TMCC1: variants seen among roughly 807,000 people sequenced by gnomAD.
The protein encoded by TMCC1 is transmembrane and coiled-coil domain family 1, also known as transmembrane and coiled-coil domains protein 1.
Under a neutral mutation model 52.4 loss-of-function variants are expected in TMCC1, and 15 were observed. The observed-to-expected ratio is 0.29, with a 90% CI of 0.19 to 0.44. TMCC1 has a LOEUF of 0.44. Among genes scored for constraint, TMCC1 ranks in the 20% least tolerant of loss-of-function variants. TMCC1 has a pLI of 1.00. For missense variants in TMCC1, 503 were observed against 806.0 expected (o/e 0.62, Z 4.55); for synonymous variants, 279 against 301.9 (o/e 0.92, Z 0.79).
intron 4 of TMCC1, among the ~76,000 whole-genome samples, chr3:129,824,064 G>A (rs762874881): frequency 4.6e-5 from 7 of 152,248 alleles, no homozygotes; most frequent in East Asian, 1.9e-4. Context: ...GGCTGGGCGC[G>A]GTGGCTCATG....
In TMCC1 at chr3:129,670,373, C is replaced by T. The variant is rs1210932276; in HGVS notation, c.1468G>A (p.Asp490Asn). The T allele has an allele frequency of 6.2e-7, 1 of 1,614,144 alleles. No individual in the cohort carries two copies. The highest frequency in any genetic ancestry group is 8.5e-7 in the Non-Finnish European group (1 of 1,180,018). ...FETLKEHYQR[D>N]YSLIMQTLQE... ...AAGGTCTGCATTATTAAGGAATAGT[C>T]CCTCTGATAATGTTCCTTGAGAGTC... Residue 490 changes from aspartate to asparagine, a missense_variant, in exon 5 of 7, where the codon GAC (aspartate) becomes AAC (asparagine). Transcript: ENST00000393238.
chr3:129,811,265 A>ATGTTTTAT (rs1553878060), intron 4 of TMCC1, among the ~76,000 whole-genome samples: 1 of 152,010 alleles, frequency 6.6e-6, no homozygotes, highest in Non-Finnish European at 1.5e-5. Flanking sequence ...CATTTTATAT[A>ATGTTTTAT]TTATTTTTAA....
intron 4 of TMCC1, among the ~76,000 whole-genome samples, chr3:129,723,804 G>A (rs1344313682): frequency 6.6e-6 from 1 of 152,100 alleles, no homozygotes; most frequent in African/African-American, 2.4e-5. Context: ...GAGATCTACT[G>A]CTGAAAAACG....
At chr3:129,733,989 A>T (rs2050742535) in intron 4 of TMCC1, among the ~76,000 whole-genome samples, 1 of 152,206 alleles carries the variant, frequency 6.6e-6, no homozygotes, top group Non-Finnish European at 1.5e-5. Context: ...TCTGGATAGC[A>T]ATTTAGCAAT....
chr3:129,759,447 T>A (rs1204916966), intron 4 of TMCC1, among the ~76,000 whole-genome samples: 1 of 151,906 alleles, frequency 6.6e-6, no homozygotes, highest in Non-Finnish European at 1.5e-5. Flanking sequence ...TTTGTGTTTT[T>A]AGTAGAGATG....
chr3:129,689,637 T>C (rs1270266616), intron 4 of TMCC1, among the ~76,000 whole-genome samples: 1 of 152,140 alleles, frequency 6.6e-6, no homozygotes, highest in Non-Finnish European at 1.5e-5. Context: ...GCCAGCACAG[T>C]ACTAACAGGT....
At chr3:129,722,740 T>C (rs1164604781) in intron 4 of TMCC1, among the ~76,000 whole-genome samples, 1 of 152,170 alleles carries the variant, frequency 6.6e-6, no homozygotes, top group Non-Finnish European at 1.5e-5. Flanking sequence ...GGGCTAGCAT[T>C]CTTAATAAAA....
chr3:129,674,903 C>T (rs1038436972), intron 4 of TMCC1, among the ~76,000 whole-genome samples: 6 of 152,046 alleles, frequency 3.9e-5, no homozygotes, highest in Non-Finnish European at 8.8e-5. Context: ...TGCAAAGGCG[C>T]GACGTCAGCT....
chr3:129,681,918 A>T (rs556247158), intron 4 of TMCC1, among the ~76,000 whole-genome samples: 2,171 of 151,520 alleles, frequency 0.014, 62 homozygotes, highest in African/African-American at 0.049. Flanking sequence ...AAAAAAAAAA[A>T]AATTTTTAAT....
intron 2 of TMCC1, among the ~76,000 whole-genome samples, chr3:129,864,352 C>A (rs1285909532): frequency 6.6e-6 from 1 of 152,220 alleles, no homozygotes; most frequent in Admixed American, 6.5e-5. Context: ...ATTCACCACA[C>A]CACATTTATA....
At chr3:129,693,503 A>T (rs1455601224) in intron 4 of TMCC1, among the ~76,000 whole-genome samples, 10 of 121,990 alleles carry the variant, frequency 8.2e-5, no homozygotes, top group South Asian at 8.1e-4. Context: ...CCAAGATTGA[A>T]TTTTTTTTTT....
intron 4 of TMCC1, among the ~76,000 whole-genome samples, chr3:129,752,756 C>T (rs992952740): frequency 2.0e-5 from 3 of 152,070 alleles, no homozygotes; most frequent in African/African-American, 4.8e-5. Flanking sequence ...GAATAAGGCA[C>T]CTGTATTAGC....
At chr3:129,762,038 CTT>C (rs1306028544) in intron 4 of TMCC1, among the ~76,000 whole-genome samples, 26 of 119,462 alleles carry the variant, frequency 2.2e-4, no homozygotes, top group Non-Finnish European at 2.8e-4. Context: ...AGATTTCTAA[CTT>C]TTTTTTTTTT....
rs183257377 is a variant in TMCC1, at chr3:129,725,820, G to C, written c.577-54556C>G. On this transcript the variant is annotated intron_variant, in intron 4 of 6. Transcript: ENST00000393238. ...ACCGTACTAAATTTTTTAGTTCTGAGCTTCTTTCTTAGCAATATCTTAACA... is the reference window on the plus strand; with the variant it reads ...ACCGTACTAAATTTTTTAGTTCTGACCTTCTTTCTTAGCAATATCTTAACA... Among the ~76,000 whole-genome samples the C allele has an allele frequency of 2.6e-5, 4 of 152,224 alleles. No homozygotes were observed. In the East Asian group the frequency reaches 7.7e-4, roughly 29 times the overall value.
At chr3:129,744,408 G>A (rs549606978) in intron 4 of TMCC1, among the ~76,000 whole-genome samples, 11 of 151,318 alleles carry the variant, frequency 7.3e-5, no homozygotes, top group African/African-American at 1.9e-4. Context: ...CTAACTCAGC[G>A]TCCGAAAGCA....
At chr3:129,755,445 A>G (rs1020321717) in intron 4 of TMCC1, among the ~76,000 whole-genome samples, 12 of 152,224 alleles carry the variant, frequency 7.9e-5, no homozygotes, top group Non-Finnish European at 1.6e-4. Flanking sequence ...TGCTAAGAGA[A>G]TGAAAAGATA....
At chr3:129,876,999 A>T in intron 2 of TMCC1, among the ~76,000 whole-genome samples, 2 of 152,242 alleles carry the variant, frequency 1.3e-5, no homozygotes, top group Middle Eastern at 6.8e-3. Context: ...CCTCAAAGTA[A>T]ATTTTCCAAT....
intron 1 of TMCC1, among the ~76,000 whole-genome samples, chr3:129,890,453 TACTG>T (rs1438572593): frequency 7.2e-5 from 11 of 152,272 alleles, no homozygotes; most frequent in Non-Finnish European, 1.5e-5. Context: ...TGCAAATGTT[TACTG>T]ACTATCTTAA....
intron 4 of TMCC1, among the ~76,000 whole-genome samples, chr3:129,758,535 AAT>A (rs371359452): frequency 1.1e-4 from 16 of 152,346 alleles, no homozygotes; most frequent in African/African-American, 3.4e-4. Flanking sequence ...TCCTTTGAGA[AAT>A]AGCTGATTGT....
Sources: gnomAD v4.1 joint callset for allele counts (sites outside exome capture counted in the v4.1 genomes callset) on GRCh38, gnomAD v4.1.1 for gene constraint, MANE v1.5 for transcripts, NCBI Gene and HGNC (gene_info 2026-07-23, HGNC 2026-07-21) for gene names.